LMBR1: variants seen among roughly 807,000 people sequenced by gnomAD.
LMBR1 encodes the protein limb region 1 protein homolog.
LMBR1 carries 52 observed loss-of-function variants against 73.9 expected under a neutral mutation model. That is an observed-to-expected ratio of 0.70 (90% CI 0.56 to 0.89). The LOEUF is 0.89. Ranked by LOEUF, LMBR1 falls within the 40% of genes least tolerant of loss-of-function variation. LMBR1 has a pLI of 0.00. For missense variants in LMBR1, 539 were observed against 579.8 expected (o/e 0.93, Z 0.72); for synonymous variants, 215 against 209.4 (o/e 1.03, Z -0.23).
At chr7:156,806,233 G>A in intron 4 of LMBR1, among the ~76,000 whole-genome samples, 1 of 152,030 alleles carries the variant, frequency 6.6e-6, no homozygotes, top group Non-Finnish European at 1.5e-5. Context: ...TATTTTTGAT[G>A]CTATTGCATA....
chr7:156,776,930 T>TA (rs1826248451), intron 5 of LMBR1, among the ~76,000 whole-genome samples: 1 of 147,156 alleles, frequency 6.8e-6, no homozygotes, highest in African/African-American at 2.5e-5. Flanking sequence ...TTTCACAACT[T>TA]TTTTTTTTTT....
intron 11 of LMBR1, 60 bp from the exon 12 acceptor site, chr7:156,728,067 A>T: frequency 7.5e-7 from 1 of 1,327,526 alleles, no homozygotes; most frequent in Non-Finnish European, 1.1e-6. Flanking sequence ...AAAATATTAA[A>T]ATCTAGGTAA....
intron 5 of LMBR1, among the ~76,000 whole-genome samples, chr7:156,768,428 A>T (rs1198302437): frequency 2.6e-5 from 4 of 152,240 alleles, no homozygotes; most frequent in Non-Finnish European, 4.4e-5. Flanking sequence ...TAGCATGTTT[A>T]TGCAAATTTG....
intron 4 of LMBR1, among the ~76,000 whole-genome samples, chr7:156,812,937 C>A (rs1340795223): frequency 6.6e-6 from 1 of 152,178 alleles, no homozygotes; most frequent in Non-Finnish European, 1.5e-5. Flanking sequence ...CAAGGCAGCA[C>A]CTTGTTTGCC....
intron 1 of LMBR1, among the ~76,000 whole-genome samples, chr7:156,850,296 C>G (rs911816044): frequency 2.0e-5 from 3 of 152,174 alleles, no homozygotes; most frequent in African/African-American, 7.2e-5. Flanking sequence ...GCCCCTTGAT[C>G]TTGGGCTTCC....
chr7:156,692,850 T>C (rs1350142900), intron 15 of LMBR1, among the ~76,000 whole-genome samples: 1 of 152,142 alleles, frequency 6.6e-6, no homozygotes, highest in Non-Finnish European at 1.5e-5. Context: ...GCAAAGACAT[T>C]AAAACGGTTA....
At chr7:156,690,362 C>A (rs1437771742) in intron 15 of LMBR1, among the ~76,000 whole-genome samples, 1 of 152,288 alleles carries the variant, frequency 6.6e-6, no homozygotes, top group East Asian at 1.9e-4. Flanking sequence ...CAAGGAAATG[C>A]ACAAACTCCA....
chr7:156,832,996 C>G (rs926651471), intron 3 of LMBR1, among the ~76,000 whole-genome samples: 2 of 152,126 alleles, frequency 1.3e-5, no homozygotes, highest in African/African-American at 4.8e-5. Flanking sequence ...GTACCGCTGT[C>G]TATGCTAATT....
chr7:156,848,253 CT>C (rs1212562867), intron 1 of LMBR1, among the ~76,000 whole-genome samples: 4 of 152,100 alleles, frequency 2.6e-5, no homozygotes, highest in Non-Finnish European at 5.9e-5. Flanking sequence ...AACTAAACAG[CT>C]TCTGTACAAC....
chr7:156,671,973 G>A (rs1231995624), intron 4 of LMBR1, among the ~76,000 whole-genome samples: 2 of 152,174 alleles, frequency 1.3e-5, no homozygotes, highest in Non-Finnish European at 2.9e-5. Context: ...ATCAAAACTT[G>A]TGGAATGGAA....
intron 9 of LMBR1, among the ~76,000 whole-genome samples, chr7:156,736,275 G>T (rs1219707341): frequency 1.3e-5 from 2 of 152,120 alleles, no homozygotes; most frequent in Non-Finnish European, 2.9e-5. Context: ...TAGCAAAAAT[G>T]ATAAATACAG....
chr7:156,742,079 A>C (rs1462590090), intron 9 of LMBR1, among the ~76,000 whole-genome samples: 1 of 152,176 alleles, frequency 6.6e-6, no homozygotes, highest in African/African-American at 2.4e-5. Context: ...GGGTAAATTG[A>C]AAACTTTATT....
intron 5 of LMBR1, among the ~76,000 whole-genome samples, chr7:156,770,484 A>G (rs776091136): frequency 3.3e-5 from 5 of 152,234 alleles, no homozygotes; most frequent in Non-Finnish European, 7.3e-5. Context: ...ATAAAAACAT[A>G]AAGTGTAGAA....
At chr7:156,760,726 T>A (rs1476720147) in intron 8 of LMBR1, among the ~76,000 whole-genome samples, 5 of 152,206 alleles carry the variant, frequency 3.3e-5, no homozygotes, top group African/African-American at 4.8e-5. Flanking sequence ...ACGCATTTTT[T>A]AAAAATAAAA....
chr7:156,716,999 T>C (rs1004153009), intron 15 of LMBR1, among the ~76,000 whole-genome samples: 2 of 151,592 alleles, frequency 1.3e-5, no homozygotes, highest in Non-Finnish European at 2.9e-5. Context: ...TTTAGCTGGG[T>C]GTGGTGGTGG....
intron 1 of LMBR1, among the ~76,000 whole-genome samples, chr7:156,873,927 G>A (rs184629035): frequency 2.5e-3 from 387 of 152,384 alleles, no homozygotes; most frequent in Non-Finnish European, 4.0e-3. Context: ...AGACTCAGGA[G>A]CCCAGCTGGC....
chr7:156,710,974 C>T (rs1811956778), intron 15 of LMBR1, among the ~76,000 whole-genome samples: 1 of 151,826 alleles, frequency 6.6e-6, no homozygotes, highest in African/African-American at 2.4e-5. Flanking sequence ...GAATATTTAG[C>T]CAAGGAGGTG....
chr7:156,705,637 G>C (rs1442915630), intron 15 of LMBR1, among the ~76,000 whole-genome samples: 1 of 152,172 alleles, frequency 6.6e-6, no homozygotes, highest in Non-Finnish European at 1.5e-5. Context: ...GAGAGATAAA[G>C]TCTTTTGCAG....
chr7:156,892,838 G>T, intron 1 of LMBR1, 90 bp downstream of exon 1: 1 of 865,942 alleles, frequency 1.2e-6, no homozygotes, highest in Non-Finnish European at 1.5e-6. Flanking sequence ...GCCCGGAGGT[G>T]AGGGGTCCGG....
Sources: gnomAD v4.1 joint callset for allele counts (sites outside exome capture counted in the v4.1 genomes callset) on GRCh38, gnomAD v4.1.1 for gene constraint, MANE v1.5 for transcripts, NCBI Gene and HGNC (gene_info 2026-07-23, HGNC 2026-07-21) for gene names.